Variants in PTPRM observed in about 807,000 individuals in gnomAD.
PTPRM encodes the protein protein tyrosine phosphatase receptor type M.
PTPRM carries 47 observed loss-of-function variants against 186.7 expected under a neutral mutation model. That is an observed-to-expected ratio of 0.25 (90% confidence interval 0.20 to 0.32). PTPRM has a LOEUF of 0.32. Ranked by LOEUF, PTPRM falls within the 10% of genes least tolerant of loss-of-function variation. The probability of loss-of-function intolerance (pLI) is 1.00; values close to 1 mark genes in which losing one functional copy is unlikely to be tolerated. For synonymous variants in PTPRM, 668 were observed against 674.9 expected (o/e 0.99, Z 0.16); for missense variants, 1,494 against 1,865.0 (o/e 0.80, Z 3.66).
At chr18:7,707,776 A>G (rs1422100641) in intron 1 of PTPRM, among the ~76,000 whole-genome samples, 3 of 152,190 alleles carry the variant, frequency 2.0e-5, no homozygotes, top group Non-Finnish European at 4.4e-5. Flanking sequence ...GCCCCAAACT[A>G]GTTCTGGCTC....
intron 22 of PTPRM, among the ~76,000 whole-genome samples, chr18:8,339,197 G>T (rs768767056): frequency 1.6e-4 from 24 of 150,714 alleles, no homozygotes; most frequent in Non-Finnish European, 1.0e-4. Context: ...AAAACGTTCC[G>T]CCCCCTTTTT....
chr18:7,961,624 A>T (rs2053687078), intron 7 of PTPRM, among the ~76,000 whole-genome samples: 1 of 152,210 alleles, frequency 6.6e-6, no homozygotes, highest in Non-Finnish European at 1.5e-5. Flanking sequence ...GTTCCTGAGG[A>T]GTCCAAGTAT....
chr18:8,172,101 C>T (rs2093409793), intron 14 of PTPRM, among the ~76,000 whole-genome samples: 1 of 151,976 alleles, frequency 6.6e-6, no homozygotes, highest in South Asian at 2.1e-4. Context: ...TCGTTTTCAG[C>T]AATATAAAGA....
intron 2 of PTPRM, among the ~76,000 whole-genome samples, chr18:7,780,179 A>T (rs1027882012): frequency 6.6e-6 from 1 of 152,254 alleles, no homozygotes; most frequent in Non-Finnish European, 1.5e-5. Context: ...AATCTTGTAC[A>T]TATAAATGAC....
At chr18:8,052,284 A>T (rs1228698448) in intron 7 of PTPRM, among the ~76,000 whole-genome samples, 2 of 152,160 alleles carry the variant, frequency 1.3e-5, no homozygotes, top group African/African-American at 4.8e-5. Context: ...GTCTCTGGGG[A>T]TGAGGCCTAG....
intron 14 of PTPRM, among the ~76,000 whole-genome samples, chr18:8,212,367 C>T (rs1436812357): frequency 6.6e-6 from 1 of 152,116 alleles, no homozygotes; most frequent in African/African-American, 2.4e-5. Flanking sequence ...CTGCCTTCTT[C>T]ATTACTGAGG....
At chr18:8,367,322 G>A (rs2095636565) in intron 23 of PTPRM, among the ~76,000 whole-genome samples, 1 of 152,244 alleles carries the variant, frequency 6.6e-6, no homozygotes, top group Non-Finnish European at 1.5e-5. Flanking sequence ...GCCCCGCCAG[G>A]TGCCTGTGCT....
At chr18:8,096,471 G>T (rs1272562860) in intron 11 of PTPRM, among the ~76,000 whole-genome samples, 1 of 152,190 alleles carries the variant, frequency 6.6e-6, no homozygotes, top group African/African-American at 2.4e-5. Flanking sequence ...GAAGGAGGGA[G>T]ACATTAAAGT....
chr18:8,319,117 C>T (rs374151673), intron 21 of PTPRM, 61 bp from the exon 22 acceptor site: 35 of 1,165,748 alleles, frequency 3.0e-5, no homozygotes, highest in Admixed American at 1.2e-4. Flanking sequence ...AGTTAGCATG[C>T]GACTTATCTG....
intron 14 of PTPRM, among the ~76,000 whole-genome samples, chr18:8,180,857 A>G (rs2093563274): frequency 6.6e-6 from 1 of 152,162 alleles, no homozygotes. Flanking sequence ...CCCATGTGCC[A>G]CCTATGACCA....
intron 4 of PTPRM, among the ~76,000 whole-genome samples, chr18:7,912,867 G>A (rs961093866): frequency 2.6e-5 from 4 of 152,046 alleles, no homozygotes; most frequent in African/African-American, 9.7e-5. Flanking sequence ...ATCAATTTCA[G>A]CCAAAAAAAT....
At chr18:7,674,107 A>G (rs2039279868) in intron 1 of PTPRM, among the ~76,000 whole-genome samples, 3 of 152,150 alleles carry the variant, frequency 2.0e-5, no homozygotes, top group Admixed American at 1.3e-4. Flanking sequence ...CCCCTAGTGA[A>G]TGTGAGGAAA....
intron 14 of PTPRM, among the ~76,000 whole-genome samples, chr18:8,192,800 A>G (rs1236128267): frequency 3.3e-5 from 5 of 152,194 alleles, no homozygotes; most frequent in Non-Finnish European, 5.9e-5. Context: ...GGGAGTCACA[A>G]TATTCACATG....
At chr18:7,785,461 A>G (rs4798595) in intron 2 of PTPRM, among the ~76,000 whole-genome samples, 72,866 of 151,942 alleles carry the variant, frequency 0.48, 18,717 homozygotes, top group East Asian at 0.86. Flanking sequence ...GAGAGCGCGC[A>G]TGTGTGCAGA....
intron 19 of PTPRM, chr18:8,270,387 C>T (rs952198284): frequency 2.0e-5 from 3 of 152,060 alleles, no homozygotes; most frequent in African/African-American, 4.8e-5. Context: ...TATCACCTCA[C>T]ACCTTTCAGA....
chr18:7,978,905 G>T (rs186310745), intron 7 of PTPRM, among the ~76,000 whole-genome samples: 1 of 151,846 alleles, frequency 6.6e-6, no homozygotes, highest in Non-Finnish European at 1.5e-5. Flanking sequence ...TCAGAATTGC[G>T]TGTAGCGACC....
At position 8,379,301 on chromosome 18, in the gene PTPRM, T is replaced by G; in HGVS notation, c.3747T>G (p.Asp1249Glu). 1 of 1,613,812 alleles carries G rather than the reference T, an allele frequency of 6.2e-7. No individual in the cohort carries two copies. Among genetic ancestry groups the G allele is most frequent in the Non-Finnish European group, 8.5e-7 (1 of 1,179,942 alleles). The change falls in exon 28 of 33, where the codon GAT becomes GAG. Residue 1249 changes from aspartate (D) to glutamate (E), a missense_variant. Asp to Glu is a conservative substitution (Grantham distance 45). Transcript: ENST00000580170. ...GCCTGCCCTTCCTCATCACCATCGA[T>G]GGGGAGAGCAGCAACTACATCAATG... ...DRCLPFLITI[D>E]GESSNYINAA...
chr18:8,228,162 G>A (rs4416081), intron 14 of PTPRM, among the ~76,000 whole-genome samples: 12,409 of 152,204 alleles, frequency 0.082, 644 homozygotes, highest in Middle Eastern at 0.34. Flanking sequence ...GGATATTGGA[G>A]GGCAGAATGC....
intron 13 of PTPRM, among the ~76,000 whole-genome samples, chr18:8,127,340 T>G (rs932532507): frequency 2.6e-5 from 4 of 151,816 alleles, no homozygotes; most frequent in East Asian, 1.9e-4. Flanking sequence ...AGGGGCCATA[T>G]TTTATATATC....
Sources: allele counts gnomAD v4.1 joint callset (sites outside exome capture counted in the v4.1 genomes callset), GRCh38; gene constraint gnomAD v4.1.1; transcripts MANE v1.5; gene names NCBI Gene and HGNC (gene_info 2026-07-23, HGNC 2026-07-21).